Variants in NALCN observed in about 807,000 individuals in gnomAD.
NALCN encodes the protein sodium leak channel NALCN.
In NALCN, 111 loss-of-function variants were observed where a neutral mutation model predicts 225.3. The ratio of observed to expected loss-of-function variants is 0.49; its 90% CI spans 0.42 to 0.58. NALCN has a LOEUF of 0.58. Ranked by LOEUF, NALCN falls within the 20% of genes least tolerant of loss-of-function variation. The pLI is 0.00. For synonymous variants in NALCN, 764 were observed against 769.0 expected, an observed-to-expected ratio of 0.99 and a Z score of 0.11; for missense variants, 1,378 against 2,202.4, an observed-to-expected ratio of 0.63 and a Z score of 7.49.
intron 30 of NALCN, among the ~76,000 whole-genome samples, chr13:101,087,642 C>A (rs576340872): frequency 6.6e-6 from 1 of 152,112 alleles, no homozygotes; most frequent in East Asian, 1.9e-4. Context: ...ATAGAACATA[C>A]GCCCCAGATC....
intron 13 of NALCN, among the ~76,000 whole-genome samples, chr13:101,196,572 CA>C (rs1196989283): frequency 6.6e-6 from 1 of 152,094 alleles, no homozygotes; most frequent in Non-Finnish European, 1.5e-5. Context: ...CATCCTTTTT[CA>C]ATTTATCAAC....
chr13:101,333,433 G>T (rs2045256965), intron 7 of NALCN, among the ~76,000 whole-genome samples: 1 of 152,228 alleles, frequency 6.6e-6, no homozygotes, highest in South Asian at 2.1e-4. Flanking sequence ...TGAGAGCTGA[G>T]GGGTAGGGAA....
rs34334262 is a variant in NALCN, at chr13:101,257,209, GTTT to G, written c.1266+1231_1266+1233del. ...TAGCACAAAACTCTTATTGTTTATT[GTTT>G]TTTTTTTTTTTTTTTGCTAGATTGT... On this transcript the variant is annotated intron_variant, in intron 11 of 43. Coordinates refer to ENST00000251127, the MANE Select transcript of NALCN (RefSeq NM_052867.4). Among the ~76,000 whole-genome samples, 929 of 121,078 alleles carry G rather than the reference GTTT, an allele frequency of 7.7e-3. 10 individuals carry two copies. The highest frequency in any genetic ancestry group is 0.027 in the African/African-American group (879 of 32,006). The allele number at this position is 121,078 out of a possible 152,430, so 79.4% of individuals were successfully genotyped here. A position where few individuals can be genotyped will look rare whatever the true frequency, so the allele number is the denominator to read the frequency against.
intron 3 of NALCN, among the ~76,000 whole-genome samples, chr13:101,383,676 C>T (rs1291311156): frequency 6.6e-6 from 1 of 152,198 alleles, no homozygotes; most frequent in African/African-American, 2.4e-5. Flanking sequence ...ATCCATCCAT[C>T]TATTCACTGA....
chr13:101,204,494 AC>A (rs1480927867), intron 13 of NALCN, among the ~76,000 whole-genome samples: 2 of 152,184 alleles, frequency 1.3e-5, no homozygotes, highest in Admixed American at 1.3e-4. Flanking sequence ...CTGAATCTAG[AC>A]TTTTGTAATT....
chr13:101,131,658 C>T (rs1336909210), intron 17 of NALCN, among the ~76,000 whole-genome samples: 2 of 152,146 alleles, frequency 1.3e-5, no homozygotes, highest in East Asian at 1.9e-4. Flanking sequence ...GAACATTGGA[C>T]GCTCTGTAAC....
In NALCN at chr13:101,237,842, A is replaced by C; in HGVS notation, c.1347T>G (p.Ser449=). 4 of 1,606,136 alleles carry C rather than the reference A, an allele frequency of 2.5e-6. No homozygotes were observed. Among genetic ancestry groups the C allele is most frequent in the Non-Finnish European group, 3.4e-6 (4 of 1,176,490 alleles). Residue 449 remains serine (S), a synonymous_variant, in exon 12 of 44, where the codon TCT becomes TCG. Transcript: ENST00000251127. ...CLGFTGYISS[S]LHKFELLLVI... ...CGAGTAGTAGTTCGAATTTGTGGAGAGATGAGCTAATATATCCAGTAAATC... is the reference window on the plus strand; with the variant it reads ...CGAGTAGTAGTTCGAATTTGTGGAGCGATGAGCTAATATATCCAGTAAATC...
chr13:101,406,842 C>T lies in NALCN; in HGVS notation c.-39-7677G>A, dbSNP rs568303557. On this transcript the variant is annotated intron_variant, in intron 1 of 43. Coordinates refer to ENST00000251127, the MANE Select transcript of NALCN (RefSeq NM_052867.4). Reference sequence around the variant, plus strand: ...GTAAAGAATGAGAAAAACATATTTACTAACTCCCATTTGATAATCTCACCC... The same window carrying T: ...GTAAAGAATGAGAAAAACATATTTATTAACTCCCATTTGATAATCTCACCC... Among the ~76,000 whole-genome samples, 4 of 152,238 alleles carry T rather than the reference C, an allele frequency of 2.6e-5. No homozygotes were observed. In the East Asian group the frequency reaches 7.7e-4, roughly 29 times the overall value.
At chr13:101,415,208 CATAT>C (rs1030463057) in intron 1 of NALCN, among the ~76,000 whole-genome samples, 1 of 107,822 alleles carries the variant, frequency 9.3e-6, no homozygotes, top group East Asian at 2.3e-4. Context: ...AAATCACACA[CATAT>C]ATATATATAT....
At chr13:101,249,781 C>A (rs1483492850) in intron 11 of NALCN, among the ~76,000 whole-genome samples, 1 of 151,980 alleles carries the variant, frequency 6.6e-6, no homozygotes, top group Non-Finnish European at 1.5e-5. Flanking sequence ...TAAAAACCTA[C>A]AAATGACATT....
intron 7 of NALCN, among the ~76,000 whole-genome samples, chr13:101,306,789 G>T (rs137865157): frequency 1.3e-5 from 2 of 152,310 alleles, no homozygotes; most frequent in East Asian, 3.9e-4. Flanking sequence ...TGCTAAGGTC[G>T]CATGGCAAGG....
chr13:101,244,907 G>A (rs1211947866), intron 11 of NALCN, among the ~76,000 whole-genome samples: 2 of 152,194 alleles, frequency 1.3e-5, no homozygotes, highest in Admixed American at 6.5e-5. Flanking sequence ...AACCTTGATG[G>A]TAGCTGGACA....
intron 7 of NALCN, among the ~76,000 whole-genome samples, chr13:101,296,800 T>C (rs2043773386): frequency 6.6e-6 from 1 of 152,164 alleles, no homozygotes; most frequent in South Asian, 2.1e-4. Context: ...AGAAATGCAA[T>C]CACAACAATG....
intron 10 of NALCN, among the ~76,000 whole-genome samples, chr13:101,269,211 CATATATATATAT>C (rs60240326): frequency 1.4e-5 from 2 of 145,504 alleles, no homozygotes; most frequent in Admixed American, 6.9e-5. Context: ...AGAAAAAGCT[CATATATATATAT>C]ATATATATAT....
intron 7 of NALCN, among the ~76,000 whole-genome samples, chr13:101,335,165 A>G (rs2045337022): frequency 6.6e-6 from 1 of 152,148 alleles, no homozygotes; most frequent in South Asian, 2.1e-4. Context: ...TCTAGTCACT[A>G]TCTTTTCTCA....
chr13:101,392,281 T>C (rs1229910780), intron 3 of NALCN, among the ~76,000 whole-genome samples: 1 of 151,896 alleles, frequency 6.6e-6, no homozygotes, highest in African/African-American at 2.4e-5. Context: ...AATAATAACA[T>C]ATATAACAAA....
At chr13:101,093,372 T>G (rs2034336147) in intron 28 of NALCN, among the ~76,000 whole-genome samples, 2 of 152,218 alleles carry the variant, frequency 1.3e-5, no homozygotes, top group Non-Finnish European at 1.5e-5. Context: ...TTACAAAATT[T>G]CAGCTTCCAA....
rs1338603861 is a variant in NALCN, at chr13:101,192,031, G to A, written c.1650C>T (p.Ile550=). The A allele has an allele frequency of 1.9e-6, 3 of 1,598,328 alleles. No individual in the cohort carries two copies. The highest frequency in any genetic ancestry group is 1.8e-5 in the Admixed American group (1 of 55,222). The part of the protein sequence containing the change: ...FPRAFMSMFQ[I]LTQEGWVDVM... Reference sequence around the variant, plus strand: ...CGTCCACCCATCCTTCCTGGGTGAGGATCTGGAACATGGACATAAATGCCT... The same window carrying A: ...CGTCCACCCATCCTTCCTGGGTGAGAATCTGGAACATGGACATAAATGCCT... The change falls in exon 14 of 44, where the codon ATC becomes ATT. Residue 550 remains isoleucine, a synonymous_variant. Coordinates refer to ENST00000251127, the MANE Select transcript of NALCN (RefSeq NM_052867.4).
intron 12 of NALCN, among the ~76,000 whole-genome samples, chr13:101,237,430 A>C (rs2041602602): frequency 6.6e-6 from 1 of 152,060 alleles, no homozygotes; most frequent in South Asian, 2.1e-4. Context: ...TATGTAGTTT[A>C]AAATTTGATA....
Sources: gnomAD v4.1 joint callset for allele counts (sites outside exome capture counted in the v4.1 genomes callset) on GRCh38, gnomAD v4.1.1 for gene constraint, MANE v1.5 for transcripts, NCBI Gene and HGNC (gene_info 2026-07-23, HGNC 2026-07-21) for gene names.